Variants in FSTL4 observed in about 807,000 individuals in gnomAD.
FSTL4 encodes the protein follistatin like 4, also known as follistatin-related protein 4.
In FSTL4, 28 loss-of-function variants were observed where a neutral mutation model predicts 78.2. The ratio of observed to expected loss-of-function variants is 0.36; its 90% CI spans 0.27 to 0.49. The LOEUF (loss-of-function observed/expected upper bound fraction) is 0.49. Ranked by LOEUF, FSTL4 falls within the 20% of genes least tolerant of loss-of-function variation. The pLI, the probability that FSTL4 is intolerant of heterozygous loss-of-function variation, is 0.98. For missense variants in FSTL4, 922 were observed against 1,084.9 expected (o/e 0.85, Z 2.11); for synonymous variants, 422 against 440.5 (o/e 0.96, Z 0.53).
chr5:133,276,165 C>A (rs1216610640), intron 6 of FSTL4, among the ~76,000 whole-genome samples: 1 of 152,214 alleles, frequency 6.6e-6, no homozygotes. Flanking sequence ...GGGTCTGCAC[C>A]TTCCTTAAGG....
the FSTL4 span, among the ~76,000 whole-genome samples, chr5:133,751,904 C>T: frequency 2.0e-5 from 3 of 152,144 alleles, no homozygotes; most frequent in African/African-American, 7.2e-5. Flanking sequence ...TCTGATAAAT[C>T]AGTTGCTAAT....
chr5:133,748,197 A>G, the FSTL4 span, among the ~76,000 whole-genome samples: 7 of 142,742 alleles, frequency 4.9e-5, no homozygotes, highest in African/African-American at 7.9e-5. Flanking sequence ...CGTCTCAAAA[A>G]AAGAAGAAGA....
chr5:133,783,044 C>T, the FSTL4 span, among the ~76,000 whole-genome samples: 2 of 152,206 alleles, frequency 1.3e-5, no homozygotes, highest in East Asian at 3.8e-4. Context: ...CCTCTTCCAA[C>T]ACATAAAACG....
At chr5:133,773,992 A>G in the FSTL4 span, among the ~76,000 whole-genome samples, 1 of 152,194 alleles carries the variant, frequency 6.6e-6, no homozygotes, top group Non-Finnish European at 1.5e-5. Flanking sequence ...AAGTGTTGAG[A>G]CCTGAAGTGG....
chr5:133,785,831 G>C, the FSTL4 span, among the ~76,000 whole-genome samples: 147 of 152,304 alleles, frequency 9.7e-4, no homozygotes, highest in African/African-American at 3.4e-3. Context: ...AATGTCTGCA[G>C]GGTCACAATC....
the FSTL4 span, among the ~76,000 whole-genome samples, chr5:133,652,682 AGTCT>A: frequency 6.6e-6 from 1 of 152,226 alleles, no homozygotes; most frequent in Non-Finnish European, 1.5e-5. Context: ...CCCAGAAAGT[AGTCT>A]ATCTTCATGA....
intron 4 of FSTL4, among the ~76,000 whole-genome samples, chr5:133,373,793 C>T (rs1314406224): frequency 6.6e-6 from 1 of 152,198 alleles, no homozygotes; most frequent in Non-Finnish European, 1.5e-5. Flanking sequence ...AGCACCTGAG[C>T]AGCAATGGTC....
At chr5:133,501,934 A>AGGACAC (rs1758506638) in intron 3 of FSTL4, among the ~76,000 whole-genome samples, 1 of 152,144 alleles carries the variant, frequency 6.6e-6, no homozygotes, top group Admixed American at 6.5e-5. Flanking sequence ...CACAGAGAGG[A>AGGACAC]GAACGCAGAC....
intron 3 of FSTL4, among the ~76,000 whole-genome samples, chr5:133,423,587 G>A (rs926444285): frequency 1.3e-5 from 2 of 152,306 alleles, no homozygotes; most frequent in Non-Finnish European, 2.9e-5. Context: ...TGTGGTCATC[G>A]AGGGGTGGTG....
chr5:133,282,746 CCCT>C, intron 6 of FSTL4, among the ~76,000 whole-genome samples: 2 of 152,276 alleles, frequency 1.3e-5, no homozygotes, highest in African/African-American at 4.8e-5. Context: ...CTGCCCTGAA[CCCT>C]CACCTGGGCT....
chr5:133,384,154 C>T (rs552804574), intron 4 of FSTL4, among the ~76,000 whole-genome samples: 82 of 152,292 alleles, frequency 5.4e-4, no homozygotes, highest in African/African-American at 1.9e-3. Context: ...GGAACCCCTG[C>T]GTACTGGAGG....
intron 4 of FSTL4, chr5:133,387,725 TC>T (rs1325592367): frequency 6.6e-6 from 1 of 152,146 alleles, no homozygotes; most frequent in African/African-American, 2.4e-5. Context: ...AAAGGCTTCA[TC>T]ACACAAGGAA....
the FSTL4 span, among the ~76,000 whole-genome samples, chr5:133,718,017 C>T: frequency 1.3e-5 from 2 of 152,140 alleles, no homozygotes; most frequent in Non-Finnish European, 1.5e-5. Context: ...TGTACATTCT[C>T]ACCAACAAGG....
At chr5:133,381,786 G>C (rs1158219523) in intron 4 of FSTL4, among the ~76,000 whole-genome samples, 3 of 152,188 alleles carry the variant, frequency 2.0e-5, no homozygotes, top group African/African-American at 7.2e-5. Flanking sequence ...CTTGCACGTG[G>C]ACACAGCTAT....
At chr5:133,712,807 C>T in the FSTL4 span, among the ~76,000 whole-genome samples, 9 of 152,206 alleles carry the variant, frequency 5.9e-5, no homozygotes, top group East Asian at 7.7e-4. Context: ...GGCCTATGCC[C>T]ACGATGCTGT....
intron 3 of FSTL4, among the ~76,000 whole-genome samples, chr5:133,560,446 T>C (rs547981796): frequency 1.3e-5 from 2 of 151,594 alleles, no homozygotes; most frequent in South Asian, 4.2e-4. Flanking sequence ...CTCGGCTCAC[T>C]GCAACCTCTG....
At chr5:133,441,168 T>C (rs1291115610) in intron 3 of FSTL4, among the ~76,000 whole-genome samples, 2 of 152,142 alleles carry the variant, frequency 1.3e-5, no homozygotes, top group Admixed American at 6.5e-5. Context: ...GTTATCACTG[T>C]GGGCAGCTGG....
At chr5:133,230,032 A>G (rs1751447243) in intron 8 of FSTL4, among the ~76,000 whole-genome samples, 1 of 152,178 alleles carries the variant, frequency 6.6e-6, no homozygotes, top group African/African-American at 2.4e-5. Flanking sequence ...CCTGATGTCT[A>G]TGGTGCCTGT....
At chr5:133,526,344 C>T (rs1043423153) in intron 3 of FSTL4, among the ~76,000 whole-genome samples, 1 of 152,004 alleles carries the variant, frequency 6.6e-6, no homozygotes, top group South Asian at 2.1e-4. Flanking sequence ...AGAAGGTGAA[C>T]AGGAGGGAAC....
Sources: gnomAD v4.1 joint callset for allele counts (sites outside exome capture counted in the v4.1 genomes callset) on GRCh38, gnomAD v4.1.1 for gene constraint, MANE v1.5 for transcripts, NCBI Gene and HGNC (gene_info 2026-07-23, HGNC 2026-07-21) for gene names.